The following ITPR2 variants were observed in gnomAD, a reference collection of about 807,000 sequenced individuals.
ITPR2 encodes inositol 1,4,5-trisphosphate-gated calcium channel ITPR2.
In ITPR2, 207 loss-of-function variants were observed where a neutral mutation model predicts 317.1. The ratio of observed to expected loss-of-function variants is 0.65; its 90% confidence interval spans 0.58 to 0.73. ITPR2 has a LOEUF of 0.73. ITPR2 is among the 30% of genes least tolerant of loss of function. The pLI is 0.00. For synonymous variants in ITPR2, 1,156 were observed against 1,149.1 expected (o/e 1.01, Z -0.12); for missense variants, 2,613 against 3,284.0 (o/e 0.80, Z 4.99).
intron 45 of ITPR2, among the ~76,000 whole-genome samples, chr12:26,456,592 T>G (rs1008567335): frequency 4.6e-5 from 7 of 152,208 alleles, no homozygotes; most frequent in Admixed American, 4.6e-4. Context: ...TCCACTTTAC[T>G]CTATGGACTT....
chr12:26,600,968 TCC>T (rs1284358612), intron 28 of ITPR2, among the ~76,000 whole-genome samples: 2 of 152,100 alleles, frequency 1.3e-5, no homozygotes, highest in Non-Finnish European at 2.9e-5. Flanking sequence ...CTCCTTTTTG[TCC>T]CCCTCTTTCT....
intron 13 of ITPR2, 28 bp from the exon 14 acceptor site, chr12:26,666,079 C>A (rs377552945): frequency 5.5e-5 from 87 of 1,595,960 alleles, no homozygotes; most frequent in Non-Finnish European, 7.1e-5. Context: ...GGAAATTTTA[C>A]TTTACAGTGT....
chr12:26,508,435 T>C (rs1416374378), intron 37 of ITPR2, among the ~76,000 whole-genome samples: 1 of 152,130 alleles, frequency 6.6e-6, no homozygotes, highest in African/African-American at 2.4e-5. Flanking sequence ...TATTTCAGTG[T>C]TTTCCCTTTT....
chr12:26,605,102 TA>T (rs71870137), intron 26 of ITPR2, among the ~76,000 whole-genome samples: 1 of 101,498 alleles, frequency 9.9e-6, no homozygotes, highest in Non-Finnish European at 2.4e-5. Flanking sequence ...AAAAAAAAAA[TA>T]AAAATAAAAA....
intron 15 of ITPR2, among the ~76,000 whole-genome samples, chr12:26,662,526 C>A (rs1189551201): frequency 3.3e-5 from 5 of 152,190 alleles, no homozygotes; most frequent in Admixed American, 3.3e-4. Context: ...TCTTCATGGA[C>A]CAAACTCATC....
intron 45 of ITPR2, among the ~76,000 whole-genome samples, chr12:26,467,357 A>ATCTCTC (rs914674592): frequency 1.3e-5 from 2 of 150,346 alleles, no homozygotes; most frequent in South Asian, 2.1e-4. Flanking sequence ...CTCTTTCTCT[A>ATCTCTC]TCTCTCTCTC....
intron 43 of ITPR2, among the ~76,000 whole-genome samples, chr12:26,479,856 A>C (rs1028037504): frequency 6.6e-5 from 10 of 152,154 alleles, no homozygotes; most frequent in African/African-American, 2.4e-4. Flanking sequence ...GGAGGATCAC[A>C]TGGGCCCAGG....
At position 26,377,797 on chromosome 12, in the gene ITPR2, A is replaced by G. The variant is rs78742352; in HGVS notation, c.7857+9637T>C. ...TTCACATAAAATGGGTATAAATAAG[A>G]TAACACGCAAAGTTGCTAACACATA... On this transcript the variant is annotated intron_variant, in intron 55 of 56. Transcript: ENST00000381340. Among the ~76,000 whole-genome samples, 18 of 152,358 alleles carry G rather than the reference A, an allele frequency of 1.2e-4. No individual in the cohort carries two copies. In the East Asian group the frequency reaches 2.3e-3, roughly 20 times the overall value.
chr12:26,690,922 G>C lies in ITPR2; in HGVS notation c.997-4290C>G, dbSNP rs181913698. ...ATTCCACCCTTAAATAGTTCACTTA[G>C]GTTCTTGGAAAATAGCTTTAATGAA... On this transcript the variant is annotated intron_variant, in intron 10 of 56. Coordinates refer to ENST00000381340, the MANE Select transcript of ITPR2 (RefSeq NM_002223.4). Among the ~76,000 whole-genome samples the C allele has an allele frequency of 4.6e-5, 7 of 152,300 alleles. No homozygotes were observed. In the East Asian group the frequency reaches 1.3e-3, roughly 29 times the overall value.
intron 2 of ITPR2, among the ~76,000 whole-genome samples, chr12:26,746,766 A>G (rs958055858): frequency 1.3e-5 from 2 of 152,040 alleles, no homozygotes; most frequent in Non-Finnish European, 2.9e-5. Context: ...TGTGTGTTGC[A>G]TGTACCTACC....
chr12:26,701,886 A>G (rs1010356430), intron 9 of ITPR2, among the ~76,000 whole-genome samples: 2 of 152,240 alleles, frequency 1.3e-5, no homozygotes, highest in Admixed American at 1.3e-4. Flanking sequence ...TGAATAAATG[A>G]CATTATTATG....
intron 45 of ITPR2, among the ~76,000 whole-genome samples, chr12:26,453,322 T>C (rs1230295567): frequency 6.6e-6 from 1 of 152,222 alleles, no homozygotes; most frequent in Non-Finnish European, 1.5e-5. Context: ...CTAAATACTA[T>C]CTATGTAGAT....
chr12:26,561,639 G>A (rs779349143), intron 35 of ITPR2, 123 bp downstream of exon 35: 2 of 755,386 alleles, frequency 2.6e-6, no homozygotes, highest in Non-Finnish European at 4.0e-6. Context: ...GTAGAGAGTT[G>A]TAAAGCAAGG....
chr12:26,516,566 G>A (rs1287561224), intron 37 of ITPR2, among the ~76,000 whole-genome samples: 1 of 152,082 alleles, frequency 6.6e-6, no homozygotes, highest in Non-Finnish European at 1.5e-5. Context: ...CAAGAGCAAA[G>A]TTTATCAATA....
At chr12:26,629,434 C>G (rs370695343) in intron 22 of ITPR2, among the ~76,000 whole-genome samples, 11 of 151,962 alleles carry the variant, frequency 7.2e-5, no homozygotes, top group African/African-American at 2.7e-4. Context: ...AAAAACACAA[C>G]AAATTAGCCA....
intron 2 of ITPR2, among the ~76,000 whole-genome samples, chr12:26,785,180 G>A (rs1328110347): frequency 3.0e-5 from 1 of 32,806 alleles, no homozygotes; most frequent in Admixed American, 3.7e-4. Context: ...GTGGGGGGGG[G>A]TCAGCCCCCC....
chr12:26,764,058 T>C (rs1949679174), intron 2 of ITPR2, among the ~76,000 whole-genome samples: 1 of 152,034 alleles, frequency 6.6e-6, no homozygotes, highest in Admixed American at 6.6e-5. Context: ...TACATAAAAA[T>C]ATCAACAGAT....
intron 52 of ITPR2, among the ~76,000 whole-genome samples, chr12:26,402,797 T>C (rs3825165): frequency 0.092 from 14,008 of 152,262 alleles, 679 homozygotes; most frequent in East Asian, 0.18. Context: ...AAAGTCAGGC[T>C]CTGAGTCATG....
intron 1 of ITPR2, among the ~76,000 whole-genome samples, chr12:26,830,260 T>A (rs577317602): frequency 6.6e-6 from 1 of 152,366 alleles, no homozygotes; most frequent in South Asian, 2.1e-4. Flanking sequence ...GCACGAAGGC[T>A]TTGTCATATT....
Sources: gnomAD v4.1 joint callset for allele counts (sites outside exome capture counted in the v4.1 genomes callset) on GRCh38, gnomAD v4.1.1 for gene constraint, MANE v1.5 for transcripts, NCBI Gene and HGNC (gene_info 2026-07-23, HGNC 2026-07-21) for gene names.